The following EML4 variants were observed in gnomAD, a reference collection of about 807,000 sequenced individuals.
EML4 encodes EMAP like 4.
A neutral mutation model predicts 129.0 loss-of-function variants in EML4; 72 were observed. That is an observed-to-expected ratio of 0.56 (90% CI 0.46 to 0.68). The LOEUF is 0.68. EML4 is among the 30% of genes least tolerant of loss of function. The pLI, the probability that EML4 is intolerant of heterozygous loss-of-function variation, is 0.00. For missense variants in EML4, 1,363 were observed against 1,190.6 expected, an observed-to-expected ratio of 1.14 and a Z score of -2.13; for synonymous variants, 532 against 405.0, an observed-to-expected ratio of 1.31 and a Z score of -3.77.
Position 42,330,439 on chromosome 2 carries a change from C to A in EML4, c.*232C>A. On this transcript the variant is annotated 3_prime_UTR_variant, in exon 23 of 23. Transcript: ENST00000318522. ...ACTTAATACTAGGAGAAGACTGAAT[C>A]ATTAATGATGTCTCACAAATTACTG... The A allele has an allele frequency of 1.7e-6, 1 of 597,632 alleles. No homozygotes were observed. The allele number at this position is 597,632 out of a possible 1,614,324, so 37.0% of individuals were successfully genotyped here.
intron 6 of EML4, among the ~76,000 whole-genome samples, chr2:42,267,941 A>G (rs1438028778): frequency 1.3e-5 from 2 of 152,238 alleles, no homozygotes. Flanking sequence ...TTGTAGTACA[A>G]TAATATTCAC....
intron 1 of EML4, among the ~76,000 whole-genome samples, chr2:42,198,170 C>T (rs78062750): frequency 0.012 from 1,866 of 152,208 alleles, 36 homozygotes; most frequent in African/African-American, 0.043. Context: ...CTTGCTCCTA[C>T]CAGAACTTCT....
intron 17 of EML4, among the ~76,000 whole-genome samples, chr2:42,305,044 G>A (rs1474540100): frequency 6.6e-6 from 1 of 151,968 alleles, no homozygotes; most frequent in African/African-American, 2.4e-5. Flanking sequence ...AGTTGAACCT[G>A]GGAGACAGTT....
chr2:42,292,239 A>G (rs1483316849), intron 11 of EML4, among the ~76,000 whole-genome samples: 2 of 152,200 alleles, frequency 1.3e-5, no homozygotes, highest in Admixed American at 1.3e-4. Context: ...AAACTATTTG[A>G]CATAACCTAA....
rs1313753330 is a variant in EML4 at position 42,280,900 on chromosome 2, A to G, written c.718A>G (p.Ile240Val). The G allele has an allele frequency of 2.5e-6, 4 of 1,612,252 alleles. No individual in the cohort carries two copies. Among genetic ancestry groups the G allele is most frequent in the Non-Finnish European group, 3.4e-6 (4 of 1,178,916 alleles). The change falls in exon 7 of 23, where the codon ATT becomes GTT. Residue 240 changes from isoleucine (I) to valine (V), a missense_variant. By Grantham distance (29) the Ile-to-Val change is conservative. Transcript: ENST00000318522. ...GCGCGGTCGGCCAATTACCATGTTCATTCCTTCCGATGTTGACAACTATGA... is the reference window on the plus strand; with the variant it reads ...GCGCGGTCGGCCAATTACCATGTTCGTTCCTTCCGATGTTGACAACTATGA... Reference protein sequence around the residue: ...FMRGRPITMFIPSDVDNYDDI... With the variant: ...FMRGRPITMFVPSDVDNYDDI...
intron 6 of EML4, among the ~76,000 whole-genome samples, chr2:42,277,551 C>T (rs1249225342): frequency 1.3e-5 from 2 of 151,304 alleles, no homozygotes; most frequent in Non-Finnish European, 2.9e-5. Flanking sequence ...TTGAACTTCT[C>T]ACCCATAACA....
At chr2:42,309,478 C>G (rs1431655934) in intron 17 of EML4, among the ~76,000 whole-genome samples, 1 of 138,456 alleles carries the variant, frequency 7.2e-6, no homozygotes, top group Non-Finnish European at 1.6e-5. Flanking sequence ...AACTACCAAA[C>G]TTTTTCACAG....
chr2:42,195,528 T>C (rs1671848221), intron 1 of EML4, among the ~76,000 whole-genome samples: 1 of 152,178 alleles, frequency 6.6e-6, no homozygotes, highest in South Asian at 2.1e-4. Context: ...AGTATAAAAA[T>C]ACAAGACATA....
At chr2:42,261,936 A>G (rs1468181537) in intron 4 of EML4, among the ~76,000 whole-genome samples, 1 of 152,230 alleles carries the variant, frequency 6.6e-6, no homozygotes, top group Non-Finnish European at 1.5e-5. Flanking sequence ...GCCTAAATTG[A>G]GAATCTAAAC....
At chr2:42,232,236 C>T (rs967396109) in intron 1 of EML4, among the ~76,000 whole-genome samples, 2 of 152,094 alleles carry the variant, frequency 1.3e-5, no homozygotes, top group Non-Finnish European at 2.9e-5. Flanking sequence ...TAGTAATGCA[C>T]TGCACAAGTG....
chr2:42,245,098 T>TTTTTC lies in EML4; in HGVS notation c.26-403_26-402insCTTTT, dbSNP rs750438267. Among the ~76,000 whole-genome samples, 32 of 89,562 alleles carry TTTTTC rather than the reference T, an allele frequency of 3.6e-4. 2 individuals carry two copies. Among genetic ancestry groups the TTTTTC allele is most frequent in the East Asian group, 2.4e-3 (6 of 2,532 alleles). 58.8% of individuals were successfully genotyped at this position (89,562 alleles called of 152,430 possible). On this transcript the variant is annotated intron_variant, in intron 1 of 22. Transcript: ENST00000318522. ...TTTTGTTTTGAAATTTTCTTTCTTT[T>TTTTTC]TTTTTTTTTTTTTTGAGACAGACTC...
rs1245656456 is a variant in EML4 at position 42,326,245 on chromosome 2, A to G, written c.2334A>G (p.Gln778=). 5 of 1,609,362 alleles carry G rather than the reference A, an allele frequency of 3.1e-6. No homozygotes were observed. The highest frequency in any genetic ancestry group is 2.2e-5 in the East Asian group (1 of 44,664). The change falls in exon 21 of 23, where the codon CAA becomes CAG. Residue 778 remains glutamine, a synonymous_variant. Transcript: ENST00000318522. ...WTTYTCVLGF[Q]VFGVWPEGSD... is the part of the protein sequence containing the mutation. ...CATATACCTGTGTGCTAGGATTTCAAGTATTTGGTAAGGAAATGACACCTG... is the reference window on the plus strand; with the variant it reads ...CATATACCTGTGTGCTAGGATTTCAGGTATTTGGTAAGGAAATGACACCTG...
In EML4 at chr2:42,329,984, A is replaced by C; in HGVS notation, c.2723A>C (p.Glu908Ala). 6.2e-7 allele frequency: 1 copy of C among 1,613,956 alleles called. No individual in the cohort carries two copies. Among genetic ancestry groups the C allele is most frequent in the East Asian group, 2.2e-5 (1 of 44,892 alleles). ...CCGCCTCCTTCTCAGCCCTTAAATG[A>C]GACAGCTGAAGAGGAAAGTAGAATA... Reference protein sequence around the residue: ...PTPPPSQPLNETAEEESRISS... With the variant: ...PTPPPSQPLNATAEEESRISS... Residue 908 changes from glutamate to alanine, a missense_variant, in exon 23 of 23, where the codon GAG becomes GCG. Glu to Ala is a moderately radical substitution (Grantham distance 107). Coordinates refer to ENST00000318522, the MANE Select transcript of EML4 (RefSeq NM_019063.5).
At chr2:42,216,399 C>T (rs1440408106) in intron 1 of EML4, among the ~76,000 whole-genome samples, 3 of 151,778 alleles carry the variant, frequency 2.0e-5, no homozygotes, top group African/African-American at 2.4e-5. Flanking sequence ...TGTGCCACCA[C>T]ACCTGGCTAA....
chr2:42,297,270 C>T (rs996155339), intron 13 of EML4, among the ~76,000 whole-genome samples: 7 of 151,980 alleles, frequency 4.6e-5, no homozygotes, highest in African/African-American at 1.7e-4. Context: ...ATCAGAAATG[C>T]CAGGAACAGC....
At position 42,327,860 on chromosome 2, in the gene EML4, C is replaced by G. The variant is rs187355626; in HGVS notation, c.2342-1026C>G. Among the ~76,000 whole-genome samples the G allele has an allele frequency of 3.7e-3, 559 of 152,266 alleles. 2 individuals carry two copies. The highest frequency in any genetic ancestry group is 0.013 in the African/African-American group (523 of 41,544). ...TTTCTCTTTAACAATTTATCTCTGC[C>G]TTCTGAAAATTGGGTTCTCCAGCCT... On this transcript the variant is annotated intron_variant, in intron 21 of 22. Coordinates refer to ENST00000318522, the MANE Select transcript of EML4 (RefSeq NM_019063.5).
At chr2:42,170,957 T>A (rs1012463175) in intron 1 of EML4, among the ~76,000 whole-genome samples, 1 of 152,186 alleles carries the variant, frequency 6.6e-6, no homozygotes, top group Non-Finnish European at 1.5e-5. Flanking sequence ...AACCTATAAT[T>A]TTGGCCTTCC....
intron 1 of EML4, among the ~76,000 whole-genome samples, chr2:42,173,568 A>G (rs1402004150): frequency 6.6e-6 from 1 of 152,038 alleles, no homozygotes; most frequent in Non-Finnish European, 1.5e-5. Flanking sequence ...AAGTACCATG[A>G]CTAGGTGCAG....
chr2:42,287,954 A>G (rs1667402494), intron 10 of EML4, among the ~76,000 whole-genome samples: 1 of 152,158 alleles, frequency 6.6e-6, no homozygotes, highest in Non-Finnish European at 1.5e-5. Context: ...AAAATTAGTC[A>G]CTATCTCTGA....
Sources: gnomAD v4.1 joint callset for allele counts (sites outside exome capture counted in the v4.1 genomes callset) on GRCh38, gnomAD v4.1.1 for gene constraint, MANE v1.5 for transcripts, NCBI Gene and HGNC (gene_info 2026-07-23, HGNC 2026-07-21) for gene names.